Variants in MAPK10 observed in about 807,000 individuals in gnomAD.
The protein encoded by MAPK10 is mitogen-activated protein kinase 10, also known as JNK3 alpha protein kinase.
In MAPK10, 25 loss-of-function variants were observed where a neutral mutation model predicts 59.3. The ratio of observed to expected loss-of-function variants is 0.42; its 90% CI spans 0.31 to 0.59. The LOEUF is 0.59. MAPK10 is among the 20% of genes least tolerant of loss of function. The probability of loss-of-function intolerance (pLI) is 0.15; values close to 1 mark genes in which losing one functional copy is unlikely to be tolerated. For missense variants in MAPK10, 351 were observed against 568.9 expected (o/e 0.62, Z 3.90); for synonymous variants, 190 against 200.5 (o/e 0.95, Z 0.44).
intron 4 of MAPK10, among the ~76,000 whole-genome samples, chr4:86,143,425 C>T (rs1264793123): frequency 9.9e-5 from 15 of 152,160 alleles, no homozygotes; most frequent in Admixed American, 9.8e-4. Context: ...GTCACATGGA[C>T]AGAACAACAC....
rs188836631 is a variant in MAPK10, at chr4:86,288,807, G to A, written c.-7+65723C>T. Among the ~76,000 whole-genome samples, 1,123 of 152,056 alleles carry A rather than the reference G, an allele frequency of 7.4e-3. 11 individuals are homozygous for A. The highest frequency in any genetic ancestry group is 0.012 in the Non-Finnish European group (807 of 67,986). ...TGCTATGATAGGTTTTTAAATAGGA[G>A]GGTATGGAAATTCAAAAGAGAGATC... On this transcript the variant is annotated intron_variant, in intron 2 of 13. Coordinates refer to ENST00000641462, the MANE Select transcript of MAPK10 (RefSeq NM_138982.4).
chr4:86,068,022 A>G, intron 9 of MAPK10, 67 bp from the exon 10 acceptor site: 1 of 1,053,904 alleles, frequency 9.5e-7, no homozygotes, highest in Non-Finnish European at 1.4e-6. Flanking sequence ...TTGGGAGACT[A>G]ACTCTTCTCA....
At chr4:86,361,992 TTAATAA>T (rs1035597452), upstream of MAPK10, among the ~76,000 whole-genome samples, 1 of 152,002 alleles carries the variant, frequency 6.6e-6, no homozygotes, top group African/African-American at 2.4e-5. Flanking sequence ...GTGACTATAG[TTAATAA>T]TAATGTTGCC....
upstream of MAPK10, among the ~76,000 whole-genome samples, chr4:86,361,568 T>C (rs186776770): frequency 3.2e-4 from 48 of 152,298 alleles, no homozygotes; most frequent in Admixed American, 3.9e-4. Context: ...CATTCCCATA[T>C]TTATTGCAGC....
intron 1 of MAPK10, among the ~76,000 whole-genome samples, chr4:86,532,798 C>A (rs1757940770): frequency 6.6e-6 from 1 of 152,196 alleles, no homozygotes; most frequent in South Asian, 2.1e-4. Flanking sequence ...GTTCTTCCTG[C>A]CTGACATCTC....
intron 2 of MAPK10, among the ~76,000 whole-genome samples, chr4:86,226,763 C>T (rs1034306798): frequency 4.2e-4 from 64 of 152,236 alleles, no homozygotes; most frequent in African/African-American, 1.4e-3. Flanking sequence ...GTTAGGACAG[C>T]GTACTATAGC....
At chr4:86,369,262 T>G (rs1738387618) in intron 1 of MAPK10, among the ~76,000 whole-genome samples, 2 of 152,212 alleles carry the variant, frequency 1.3e-5, no homozygotes, top group African/African-American at 4.8e-5. Flanking sequence ...AAACATTGTG[T>G]AATTAAATTA....
chr4:86,180,857 G>A (rs900979100), intron 3 of MAPK10, among the ~76,000 whole-genome samples: 10 of 152,016 alleles, frequency 6.6e-5, no homozygotes, highest in Admixed American at 2.6e-4. Flanking sequence ...GATGGGTAAG[G>A]GTTGGGGGAA....
chr4:86,406,117 A>G (rs928135712), intron 1 of MAPK10, among the ~76,000 whole-genome samples: 4 of 152,188 alleles, frequency 2.6e-5, no homozygotes, highest in African/African-American at 9.6e-5. Flanking sequence ...AGACCTATAT[A>G]TGGACAATAA....
chr4:86,331,879 A>G (rs999052976), intron 2 of MAPK10, among the ~76,000 whole-genome samples: 2 of 152,180 alleles, frequency 1.3e-5, no homozygotes, highest in Admixed American at 1.3e-4. Flanking sequence ...AGGCCTGTTT[A>G]GAAGGAAAAA....
In MAPK10 at chr4:86,017,473, G is replaced by C; in HGVS notation, c.1253-103C>G. 1 of 1,269,754 alleles carries C rather than the reference G, an allele frequency of 7.9e-7. No homozygotes were observed. The highest frequency in any genetic ancestry group is 1.1e-6 in the Non-Finnish European group (1 of 896,196). 78.7% of individuals were successfully genotyped at this position (1,269,754 alleles called of 1,614,324 possible). A position where few individuals can be genotyped will look rare whatever the true frequency, so the allele number is the denominator to read the frequency against. On this transcript the variant is annotated intron_variant, in intron 13 of 13. Coordinates refer to ENST00000641462, the MANE Select transcript of MAPK10 (RefSeq NM_138982.4). This position sits in a 1 kb window ranked among gnomAD's most constrained non-coding sequence, Gnocchi z 4.4. ...GGGCAAATACAATAGGGGATGTCCA[G>C]TCCATCAATCATTTGGCAAGCCTTT...
intron 2 of MAPK10, among the ~76,000 whole-genome samples, chr4:86,337,797 C>T (rs759181361): frequency 3.3e-5 from 5 of 152,176 alleles, no homozygotes; most frequent in Non-Finnish European, 2.9e-5. Flanking sequence ...ACCTAGCACT[C>T]AAGGCTCCAT....
chr4:86,101,205 T>C lies in MAPK10; in HGVS notation c.577A>G (p.Ser193Gly). ...AGIIHRDLKP[S>G]NIVVKSDCTL... ...CAATCAGACTTGACTACAATGTTAC[T>C]TGGTTTTAAATCCTAACAGTAAGGA... The change falls in exon 8 of 14, where the codon AGT (serine) becomes GGT (glycine). Residue 193 changes from serine (S) to glycine (G), a missense_variant. Around this residue, in one of 5 missense-constraint regions of MAPK10, gnomAD observed 76 missense variants for 197.9 expected, o/e 0.38. Coordinates refer to ENST00000641462, the MANE Select transcript of MAPK10 (RefSeq NM_138982.4). 6.2e-7 allele frequency: 1 copy of C among 1,613,778 alleles called. No individual in the cohort carries two copies. Among genetic ancestry groups the C allele is most frequent in the Non-Finnish European group, 8.5e-7 (1 of 1,179,800 alleles).
intron 9 of MAPK10, among the ~76,000 whole-genome samples, chr4:86,083,385 G>A (rs1161533553): frequency 6.6e-6 from 1 of 152,146 alleles, no homozygotes; most frequent in South Asian, 2.1e-4. Flanking sequence ...TGGGGAGAGG[G>A]AGAGCATAGC....
chr4:86,320,129 C>A (rs11947890), intron 2 of MAPK10, among the ~76,000 whole-genome samples: 1 of 152,144 alleles, frequency 6.6e-6, no homozygotes, highest in Non-Finnish European at 1.5e-5. Context: ...GGCTGTATGA[C>A]CTTAGACAAG....
chr4:86,531,219 T>C (rs532991193), intron 1 of MAPK10, among the ~76,000 whole-genome samples: 1 of 152,334 alleles, frequency 6.6e-6, no homozygotes, highest in African/African-American at 2.4e-5. Flanking sequence ...AACCCTAAGG[T>C]TAATCAGTCT....
intron 1 of MAPK10, among the ~76,000 whole-genome samples, chr4:86,583,189 T>C (rs1048386051): frequency 6.6e-6 from 1 of 151,792 alleles, no homozygotes; most frequent in Admixed American, 6.6e-5. Flanking sequence ...TTTCTTTTCT[T>C]TTTTTTTGTA....
intron 1 of MAPK10, among the ~76,000 whole-genome samples, chr4:86,381,299 CA>C (rs1442155716): frequency 2.0e-5 from 3 of 152,146 alleles, no homozygotes; most frequent in Non-Finnish European, 2.9e-5. Flanking sequence ...ACTACAAGTC[CA>C]AAGGCAATGG....
At chr4:86,584,117 G>C (rs556773398) in intron 1 of MAPK10, among the ~76,000 whole-genome samples, 4 of 152,134 alleles carry the variant, frequency 2.6e-5, no homozygotes, top group South Asian at 2.1e-4. Flanking sequence ...GAGACTTTGT[G>C]ATATAGTGAA....
Sources: allele counts gnomAD v4.1 joint callset (sites outside exome capture counted in the v4.1 genomes callset), GRCh38; gene constraint gnomAD v4.1.1; regional missense constraint gnomAD v4.1.1; non-coding constraint Gnocchi (gnomAD v3.1); transcripts MANE v1.5; gene names NCBI Gene and HGNC (gene_info 2026-07-23, HGNC 2026-07-21).